HEMK2: variants seen among roughly 807,000 people sequenced by gnomAD.
The protein encoded by HEMK2 is methyltransferase HEMK2.
the HEMK2 span, among the ~76,000 whole-genome samples, chr21:28,722,314 A>C: frequency 6.6e-6 from 1 of 152,210 alleles, no homozygotes; most frequent in Non-Finnish European, 1.5e-5. Flanking sequence ...GCATACAGTG[A>C]AGTTTGCAGA....
At chr21:28,729,516 T>C in the HEMK2 span, among the ~76,000 whole-genome samples, 1,660 of 152,056 alleles carry the variant, frequency 0.011, 25 homozygotes, top group African/African-American at 0.038. Flanking sequence ...CTATTTCACT[T>C]GCAGAAATGT....
the HEMK2 span, among the ~76,000 whole-genome samples, chr21:28,877,239 G>GGAAA: frequency 1.3e-4 from 13 of 98,594 alleles, no homozygotes; most frequent in South Asian, 3.7e-4. Context: ...AGGAAAGGAA[G>GGAAA]GGAAGGGAAG....
At chr21:28,637,953 G>C in the HEMK2 span, among the ~76,000 whole-genome samples, 1 of 152,148 alleles carries the variant, frequency 6.6e-6, no homozygotes, top group African/African-American at 2.4e-5. Context: ...AAAATAAATA[G>C]ATGAAAATCA....
the HEMK2 span, among the ~76,000 whole-genome samples, chr21:28,687,785 T>C: frequency 1.3e-5 from 2 of 152,198 alleles, no homozygotes; most frequent in African/African-American, 2.4e-5. Flanking sequence ...CTTGGCTTAA[T>C]GCCAGGAAAA....
chr21:28,840,397 G>A, the HEMK2 span, among the ~76,000 whole-genome samples: 2 of 152,128 alleles, frequency 1.3e-5, no homozygotes, highest in African/African-American at 4.8e-5. Flanking sequence ...CTTTTGCATT[G>A]CAAACGGAAC....
At chr21:28,657,044 T>C in the HEMK2 span, among the ~76,000 whole-genome samples, 1 of 152,252 alleles carries the variant, frequency 6.6e-6, no homozygotes, top group African/African-American at 2.4e-5. Flanking sequence ...AGAGTAACAT[T>C]TCTTGCTGAT....
the HEMK2 span, among the ~76,000 whole-genome samples, chr21:28,597,282 A>C: frequency 2.0e-5 from 3 of 152,348 alleles, no homozygotes; most frequent in East Asian, 5.8e-4. Context: ...GAATTGCCTG[A>C]ACAAGCCAGC....
At chr21:28,814,428 C>T in the HEMK2 span, among the ~76,000 whole-genome samples, 35 of 151,518 alleles carry the variant, frequency 2.3e-4, no homozygotes, top group Admixed American at 2.2e-3. Flanking sequence ...AAGAAACTAC[C>T]ATCAGAGTGA....
the HEMK2 span, among the ~76,000 whole-genome samples, chr21:28,794,548 T>C: frequency 6.6e-6 from 1 of 152,228 alleles, no homozygotes; most frequent in African/African-American, 2.4e-5. Flanking sequence ...GTTGTTCAGA[T>C]CAGCAGGTAA....
chr21:28,730,733 G>A, the HEMK2 span, among the ~76,000 whole-genome samples: 7 of 152,160 alleles, frequency 4.6e-5, no homozygotes, highest in Non-Finnish European at 8.8e-5. Context: ...AAGACAGCAA[G>A]AAAGAGAGGA....
chr21:28,738,179 G>A, the HEMK2 span, among the ~76,000 whole-genome samples: 1 of 152,126 alleles, frequency 6.6e-6, no homozygotes, highest in Admixed American at 6.5e-5. Context: ...AAGTAGCAAT[G>A]GACACTTTGA....
chr21:28,712,628 T>C, the HEMK2 span, among the ~76,000 whole-genome samples: 1 of 152,100 alleles, frequency 6.6e-6, no homozygotes, highest in Non-Finnish European at 1.5e-5. Context: ...TTGGGGGCAA[T>C]AGAGAAGCCA....
the HEMK2 span, among the ~76,000 whole-genome samples, chr21:28,858,702 C>T: frequency 6.6e-6 from 1 of 152,060 alleles, no homozygotes; most frequent in Non-Finnish European, 1.5e-5. Flanking sequence ...TTTTCTCCAT[C>T]CTAAGGTTTC....
At chr21:28,684,898 G>T in the HEMK2 span, among the ~76,000 whole-genome samples, 1 of 152,198 alleles carries the variant, frequency 6.6e-6, no homozygotes, top group Non-Finnish European at 1.5e-5. Flanking sequence ...TTTAAATGGT[G>T]TAAAAAGTAA....
At chr21:28,868,076 A>G in the HEMK2 span, among the ~76,000 whole-genome samples, 1 of 152,122 alleles carries the variant, frequency 6.6e-6, no homozygotes, top group Non-Finnish European at 1.5e-5. Flanking sequence ...ACATTTCTAT[A>G]TATGTACATG....
the HEMK2 span, among the ~76,000 whole-genome samples, chr21:28,633,185 T>A: frequency 6.6e-6 from 1 of 152,140 alleles, no homozygotes. Context: ...TGAACCTGTG[T>A]ACTGAAAGGG....
At chr21:28,729,320 T>C in the HEMK2 span, among the ~76,000 whole-genome samples, 2 of 152,160 alleles carry the variant, frequency 1.3e-5, no homozygotes, top group African/African-American at 2.4e-5. Context: ...GGGGTTTTAA[T>C]AGGAGCAAAT....
chr21:28,662,898 C>G, the HEMK2 span, among the ~76,000 whole-genome samples: 1 of 152,210 alleles, frequency 6.6e-6, no homozygotes, highest in African/African-American at 2.4e-5. Flanking sequence ...CCGACATACT[C>G]TCTTATCTGT....
At chr21:28,735,651 C>T in the HEMK2 span, among the ~76,000 whole-genome samples, 1 of 152,128 alleles carries the variant, frequency 6.6e-6, no homozygotes, top group East Asian at 1.9e-4. Flanking sequence ...ATTTTCTGTC[C>T]TCAGTGACGT....
Sources: allele counts gnomAD v4.1 joint callset (sites outside exome capture counted in the v4.1 genomes callset), GRCh38; gene constraint gnomAD v4.1.1; transcripts MANE v1.5; gene names NCBI Gene and HGNC (gene_info 2026-07-23, HGNC 2026-07-21).